The following LGI3 variants were observed in gnomAD, a reference collection of about 807,000 sequenced individuals.
LGI3 encodes leucine rich repeat LGI family member 3.
Under a neutral mutation model 55.4 loss-of-function variants are expected in LGI3, and 47 were observed. That is an observed-to-expected ratio of 0.85 (90% CI 0.67 to 1.08). LGI3 has a LOEUF of 1.08. Ranked by LOEUF, LGI3 falls within the 50% of genes least tolerant of loss-of-function variation. The pLI, the probability that LGI3 is intolerant of heterozygous loss-of-function variation, is 0.00. For synonymous variants in LGI3, 326 were observed against 315.0 expected (o/e 1.04, Z -0.37); for missense variants, 664 against 726.3 (o/e 0.91, Z 0.99).
In LGI3 at chr8:22,154,128, T is replaced by C. The variant is rs776646061; in HGVS notation, c.422+14A>G. 2.5e-6 allele frequency: 4 copies of C among 1,613,504 alleles called. No individual in the cohort carries two copies. Among genetic ancestry groups the C allele is most frequent in the Non-Finnish European group, 2.5e-6 (3 of 1,179,422 alleles). On this transcript the variant is annotated intron_variant, in intron 4 of 7. Transcript: ENST00000306317. Reference sequence around the variant, plus strand: ...GGGGCTTTGGTGCAGTGTGTGTATGTGTGACGTACTCACAGGTGAGTCAAG... The same window carrying C: ...GGGGCTTTGGTGCAGTGTGTGTATGCGTGACGTACTCACAGGTGAGTCAAG...
At chr8:22,154,893 C>T in intron 2 of LGI3, 4 of 515,824 alleles carry the variant, frequency 7.8e-6, no homozygotes, top group South Asian at 2.3e-5. Flanking sequence ...CTGGTCCTCC[C>T]GGGTGGCATC....
At position 22,154,757 on chromosome 8, in the gene LGI3, T is replaced by C. The variant is rs952949064; in HGVS notation, c.279-126A>G. 4.1e-6 allele frequency: 3 copies of C among 727,002 alleles called. No homozygotes were observed. The African/African-American group carries it at 5.2e-5, about 13-fold the overall frequency. 45.0% of individuals were successfully genotyped at this position (727,002 alleles called of 1,614,324 possible). ...CCTGCTGCTACCCCTGGGGACCCCA[T>C]GGGGAATCCCTGGGCCACCTGGGCA... On this transcript the variant is annotated intron_variant, in intron 2 of 7. Transcript: ENST00000306317.
Position 22,148,021 on chromosome 8 carries a change from TAC to T in LGI3, c.*137_*138del, listed in dbSNP as rs1827327558. ...TGGGCCAGTCCACGGGGTGCGCCTG[TAC>T]ACACTGGGCGTGTGCGGATACAAGG... On this transcript the variant is annotated 3_prime_UTR_variant, in exon 8 of 8. Transcript: ENST00000306317. The surrounding 1 kb of genome is among the most constrained non-coding windows in gnomAD (Gnocchi z 7.0). The T allele has an allele frequency of 1.4e-6, 1 of 737,530 alleles. No homozygotes were observed. The highest frequency in any genetic ancestry group is 2.3e-6 in the Non-Finnish European group (1 of 441,852). The allele number at this position is 737,530 out of a possible 1,614,324, so 45.7% of individuals were successfully genotyped here.
Position 22,151,519 on chromosome 8 carries a change from G to C in LGI3, c.799C>G (p.Arg267Gly). The C allele has an allele frequency of 6.2e-7, 1 of 1,614,014 alleles. No homozygotes were observed. Among genetic ancestry groups the C allele is most frequent in the Non-Finnish European group, 8.5e-7 (1 of 1,179,988 alleles). Reference protein sequence around the residue: ...CTILKWDYVERQLRDYDRIPA... With the variant: ...CTILKWDYVEGQLRDYDRIPA... ...ATTCTATCATAGTCTCGAAGCTGCC[G>C]CTCAACATAGTCCCACTTCAGGATG... Residue 267 changes from arginine to glycine, a missense_variant, in exon 7 of 8, where the codon CGG becomes GGG. Transcript: ENST00000306317.
chr8:22,148,351 C>T lies in LGI3; in HGVS notation c.1456G>A (p.Asp486Asn). ...GGRRYLALGS[D>N]FSFTQIYQWD... ...TGGTAGATCTGGGTGAAGGAGAAAT[C>T]ACTGCCCAGTGCCAGGTAGCGGCGG... is the stretch of plus-strand genomic sequence containing the variant. The change falls in exon 8 of 8, where the codon GAT (aspartate) becomes AAT (asparagine). Residue 486 changes from aspartate (D) to asparagine (N), a missense_variant. Coordinates refer to ENST00000306317, the MANE Select transcript of LGI3 (RefSeq NM_139278.4). This position sits in a 1 kb window ranked among gnomAD's most constrained non-coding sequence, Gnocchi z 7.0. 6.2e-7 allele frequency: 1 copy of T among 1,614,052 alleles called. No individual in the cohort carries two copies. The highest frequency in any genetic ancestry group is 1.7e-5 in the Admixed American group (1 of 60,022).
In LGI3 at chr8:22,148,959, C is replaced by G. The variant is rs1265900455; in HGVS notation, c.848G>C (p.Cys283Ser). 6.2e-7 allele frequency: 1 copy of G among 1,611,110 alleles called. No homozygotes were observed. Among genetic ancestry groups the G allele is most frequent in the Non-Finnish European group, 8.5e-7 (1 of 1,178,686 alleles). The change falls in exon 8 of 8, where the codon TGC becomes TCC. Residue 283 changes from cysteine to serine, a missense_variant. Coordinates refer to ENST00000306317, the MANE Select transcript of LGI3 (RefSeq NM_139278.4). This position sits in a 1 kb window ranked among gnomAD's most constrained non-coding sequence, Gnocchi z 7.0. ...DRIPAPSAVH[C>S]KPMVVDSQLY... ...CTGGCTGTCCACCACCATCGGCTTG[C>G]AGTGCACTGCAGAGGGGGCTGTGCC...
chr8:22,150,233 T>C (rs1563208894), intron 7 of LGI3, among the ~76,000 whole-genome samples: 1 of 152,178 alleles, frequency 6.6e-6, no homozygotes, highest in Non-Finnish European at 1.5e-5. Flanking sequence ...GAGGTTTTTT[T>C]AGGAGAAGGT....
In LGI3 at chr8:22,155,431, T is replaced by C. The variant is rs753362624; in HGVS notation, c.239A>G (p.Gln80Arg). Residue 80 changes from glutamine (Q) to arginine (R), a missense_variant, in exon 2 of 8, where the codon CAG becomes CGG. Transcript: ENST00000306317. ...TLVNAAFSEIQDGAFSHLPLL... is the reference protein window; with the variant it reads ...TLVNAAFSEIRDGAFSHLPLL... ...CGGGAGGTGGGAGAACGCTCCATCC[T>C]GGATCTCTGAGAAGGCGGCATTCAC... is the stretch of plus-strand genomic sequence containing the variant. The C allele has an allele frequency of 6.2e-7, 1 of 1,613,898 alleles. No individual in the cohort carries two copies. The highest frequency in any genetic ancestry group is 1.1e-5 in the South Asian group (1 of 91,088).
At chr8:22,150,786 C>G (rs890286789) in intron 7 of LGI3, among the ~76,000 whole-genome samples, 1 of 151,972 alleles carries the variant, frequency 6.6e-6, no homozygotes, top group African/African-American at 2.4e-5. Context: ...GGCCCCACAC[C>G]TAGCCTTTTT....
In LGI3 at chr8:22,148,795, C is replaced by T. The variant is rs770087756; in HGVS notation, c.1012G>A (p.Asp338Asn). 11 of 1,614,168 alleles carry T rather than the reference C, an allele frequency of 6.8e-6. No individual in the cohort carries two copies. The highest frequency in any genetic ancestry group is 1.7e-5 in the Admixed American group (1 of 60,020). Residue 338 changes from aspartate to asparagine, a missense_variant, in exon 8 of 8, where the codon GAC becomes AAC. Asp to Asn is a conservative substitution (Grantham distance 23, BLOSUM62 1). Transcript: ENST00000306317. This position sits in a 1 kb window ranked among gnomAD's most constrained non-coding sequence, Gnocchi z 7.0. ...KPNDLEAFRIDGDWYFAVADS... is the reference protein window; with the variant it reads ...KPNDLEAFRINGDWYFAVADS... Reference sequence around the variant, plus strand: ...GCCACGGCAAAGTACCAGTCACCGTCGATGCGGAAGGCTTCTAGGTCGTTA... The same window carrying T: ...GCCACGGCAAAGTACCAGTCACCGTTGATGCGGAAGGCTTCTAGGTCGTTA...
intron 7 of LGI3, among the ~76,000 whole-genome samples, chr8:22,149,977 C>T (rs941205169): frequency 1.3e-5 from 2 of 152,208 alleles, no homozygotes; most frequent in African/African-American, 4.8e-5. Flanking sequence ...AATTCAGCTC[C>T]ATACCCATCG....
At chr8:22,155,857 G>A (rs190516247) in intron 1 of LGI3, among the ~76,000 whole-genome samples, 4 of 152,258 alleles carry the variant, frequency 2.6e-5, no homozygotes, top group African/African-American at 9.6e-5. Context: ...AGACAAGGGG[G>A]AGCCCCTGAG....
chr8:22,151,660 G>C lies in LGI3; in HGVS notation c.665-7C>G, dbSNP rs752137348. 6.8e-6 allele frequency: 11 copies of C among 1,613,408 alleles called. No individual in the cohort carries two copies. The highest frequency in any genetic ancestry group is 1.3e-5 in the African/African-American group (1 of 75,036). ...GTCTGGTACAACACAAAATCTGCAA[G>C]ATGAGAGGTGCGTTACTGAAGACCA... On this transcript the variant is annotated splice_polypyrimidine_tract_variant and splice_region_variant and intron_variant, in intron 6 of 7. Transcript: ENST00000306317.
At position 22,151,826 on chromosome 8, in the gene LGI3, C is replaced by G; in HGVS notation, c.664+5G>C. ...ACTGACACCCAAGGCAGGGGCACCT[C>G]CTACCTGTGGTGATGCAATCGAACT... On this transcript the variant is annotated splice_donor_5th_base_variant and intron_variant, in intron 6 of 7. Transcript: ENST00000306317. 1 of 1,601,968 alleles carries G rather than the reference C, an allele frequency of 6.2e-7. No homozygotes were observed. Among genetic ancestry groups the G allele is most frequent in the Non-Finnish European group, 8.5e-7 (1 of 1,172,510 alleles).
chr8:22,148,968 G>A lies in LGI3; in HGVS notation c.839C>T (p.Ala280Val). ...CACCACCATCGGCTTGCAGTGCACT[G>A]CAGAGGGGGCTGTGCCAGGACAGAG... ...RDYDRIPAPS[A>V]VHCKPMVVDS... The change falls in exon 8 of 8, where the codon GCA becomes GTA. Residue 280 changes from alanine (A) to valine (V), a missense_variant. Transcript: ENST00000306317. The surrounding 1 kb of genome is among the most constrained non-coding windows in gnomAD (Gnocchi z 7.0). The A allele has an allele frequency of 6.2e-7, 1 of 1,608,720 alleles. No homozygotes were observed.
At chr8:22,154,344 C>G in intron 3 of LGI3, 131 bp from the exon 4 acceptor site, 2 of 838,214 alleles carry the variant, frequency 2.4e-6, no homozygotes, top group Non-Finnish European at 4.0e-6. Flanking sequence ...CTGGCATCAC[C>G]AAGCCATAGA....
chr8:22,154,644 A>G lies in LGI3; in HGVS notation c.279-13T>C. The G allele has an allele frequency of 6.2e-7, 1 of 1,604,218 alleles. No homozygotes were observed. Among genetic ancestry groups the G allele is most frequent in the Admixed American group, 1.7e-5 (1 of 59,998 alleles). ...GGAGTTGAGTAACCTGCAGAGACAA[A>G]GGTGGAATTAGAGCTTCCAAGGGTG... On this transcript the variant is annotated splice_polypyrimidine_tract_variant and intron_variant, in intron 2 of 7. Coordinates refer to ENST00000306317, the MANE Select transcript of LGI3 (RefSeq NM_139278.4).
At position 22,151,853 on chromosome 8, in the gene LGI3, C is replaced by T. The variant is rs771162596; in HGVS notation, c.642G>A (p.Arg214=). 1.2e-6 allele frequency: 2 copies of T among 1,611,414 alleles called. No individual in the cohort carries two copies. Among genetic ancestry groups the T allele is most frequent in the Non-Finnish European group, 1.7e-6 (2 of 1,178,492 alleles). Residue 214 remains arginine (R), a synonymous_variant, in exon 6 of 8, where the codon CGG becomes CGA. Coordinates refer to ENST00000306317, the MANE Select transcript of LGI3 (RefSeq NM_139278.4). The part of the protein sequence containing the change: ...QEHKVQDLPL[R]EFDCITTDFV... ...TACCTGTGGTGATGCAATCGAACTC[C>T]CGCAGCGGCAGGTCCTGCACCTTGT... is the stretch of plus-strand genomic sequence containing the variant.
Position 22,151,562 on chromosome 8 carries a change from T to G in LGI3, c.756A>C (p.Pro252=). ...TCAGGATGGTGCAGGCACTGACTCC[T>G]GGCTGGGCCAGAGCCAAATAGAGGT... ...SSDLYLALAQ[P]GVSACTILKW... The change falls in exon 7 of 8, where the codon CCA becomes CCC. Residue 252 remains proline (P), a synonymous_variant. Coordinates refer to ENST00000306317, the MANE Select transcript of LGI3 (RefSeq NM_139278.4). 1 of 1,614,116 alleles carries G rather than the reference T, an allele frequency of 6.2e-7. No homozygotes were observed.
Sources: gnomAD v4.1 joint callset for allele counts (sites outside exome capture counted in the v4.1 genomes callset) on GRCh38, gnomAD v4.1.1 for gene constraint, Gnocchi (gnomAD v3.1) non-coding constraint, MANE v1.5 for transcripts, NCBI Gene and HGNC (gene_info 2026-07-23, HGNC 2026-07-21) for gene names.